ZNF600: variants seen among roughly 807,000 people sequenced by gnomAD.
The protein encoded by ZNF600 is zinc finger protein 600.
A neutral mutation model predicts 7.3 loss-of-function variants in ZNF600; 4 were observed. The ratio of observed to expected loss-of-function variants is 0.55; its 90% CI spans 0.27 to 1.25. The LOEUF is 1.25. ZNF600 is among the 50% of genes most tolerant of loss of function. The pLI is 0.12. For missense variants in ZNF600, 911 were observed against 922.1 expected (o/e 0.99, Z 0.16); for synonymous variants, 290 against 308.9 (o/e 0.94, Z 0.64).
At chr19:52,829,263 G>T in the ZNF600 span, among the ~76,000 whole-genome samples, 2 of 149,278 alleles carry the variant, frequency 1.3e-5, no homozygotes, top group African/African-American at 5.0e-5. Context: ...TGTGCACATT[G>T]TGCAGGTTAG....
At chr19:52,824,400 C>T in the ZNF600 span, among the ~76,000 whole-genome samples, 2 of 152,022 alleles carry the variant, frequency 1.3e-5, no homozygotes, top group East Asian at 1.9e-4. Flanking sequence ...TTTGGGTGGC[C>T]GAGGTGGGCA....
chr19:52,815,280 CT>C, the ZNF600 span, among the ~76,000 whole-genome samples: 221 of 145,042 alleles, frequency 1.5e-3, 30 homozygotes, highest in East Asian at 0.04. Context: ...CTTTGGGAGG[CT>C]GAGGCTGCTG....
chr19:52,769,221 G>A lies in ZNF600; in HGVS notation c.191-1449C>T, dbSNP rs112387947. Reference sequence around the variant, plus strand: ...ACACTCTCCTCCACCACCTCTTGCGGAGGGCCTGACATCAGTCAGGCCCAC... The same window carrying A: ...ACACTCTCCTCCACCACCTCTTGCGAAGGGCCTGACATCAGTCAGGCCCAC... On this transcript the variant is annotated intron_variant, in intron 3 of 3. Transcript: ENST00000648973. 8.1e-3 allele frequency among the ~76,000 whole-genome samples: 1,227 copies of A among 152,184 alleles called. 13 individuals are homozygous for A. The highest frequency in any genetic ancestry group is 0.028 in the African/African-American group (1,167 of 41,518).
At chr19:52,800,030 T>C in the ZNF600 span, 1 of 1,614,156 alleles carries the variant, frequency 6.2e-7, no homozygotes, top group African/African-American at 1.3e-5. Flanking sequence ...ACTTGTAAGG[T>C]TTCTCTCCAG....
chr19:52,793,127 A>C, the ZNF600 span, among the ~76,000 whole-genome samples: 6 of 152,224 alleles, frequency 3.9e-5, 2 homozygotes, highest in Middle Eastern at 0.02. Flanking sequence ...AGTTGACTGT[A>C]ATGTACGCCT....
the ZNF600 span, chr19:52,810,768 TA>T: frequency 0.01 from 4,410 of 436,792 alleles, 180 homozygotes; most frequent in African/African-American, 0.054. Flanking sequence ...AAAAAAAGAA[TA>T]AAAAAAAACC....
chr19:52,801,553 G>A, the ZNF600 span: 2 of 1,614,152 alleles, frequency 1.2e-6, no homozygotes, highest in African/African-American at 1.3e-5. Context: ...CACTGAAACT[G>A]GAAGCCATGA....
intron 2 of ZNF600, among the ~76,000 whole-genome samples, chr19:52,776,140 AGGTCTGTACT>A (rs1217140955): frequency 6.8e-6 from 1 of 147,036 alleles, no homozygotes; most frequent in East Asian, 1.9e-4. Context: ...CCATGAAGAA[AGGTCTGTACT>A]TGGAGACAAG....
At chr19:52,811,520 T>C in the ZNF600 span, among the ~76,000 whole-genome samples, 1 of 145,206 alleles carries the variant, frequency 6.9e-6, no homozygotes, top group East Asian at 2.1e-4. Context: ...TCGTCTGAGA[T>C]GTGGGGAGCA....
At chr19:52,810,438 G>T in the ZNF600 span, 6 of 1,600,562 alleles carry the variant, frequency 3.7e-6, no homozygotes, top group Non-Finnish European at 4.3e-6. Flanking sequence ...CAAAGGGTTT[G>T]CATATATAGA....
the ZNF600 span, among the ~76,000 whole-genome samples, chr19:52,804,413 C>T: frequency 8.1e-4 from 123 of 152,256 alleles, no homozygotes; most frequent in Non-Finnish European, 8.8e-4. Flanking sequence ...CTCTGTCTCC[C>T]GGTCTGGAGT....
upstream of ZNF600, among the ~76,000 whole-genome samples, chr19:52,790,529 C>T (rs111882468): frequency 6.6e-6 from 1 of 151,940 alleles, no homozygotes; most frequent in East Asian, 1.9e-4. Context: ...AAACAATTAC[C>T]CACATGTGGT....
chr19:52,831,049 C>T, the ZNF600 span, among the ~76,000 whole-genome samples: 1 of 152,082 alleles, frequency 6.6e-6, no homozygotes, highest in South Asian at 2.1e-4. Flanking sequence ...GAGGTGAAAG[C>T]AGTTTTACGT....
the ZNF600 span, chr19:52,801,839 G>C: frequency 1.2e-6 from 1 of 810,332 alleles, no homozygotes; most frequent in African/African-American, 1.7e-5. Flanking sequence ...GAACACAAAA[G>C]GAGTAAGATT....
the ZNF600 span, among the ~76,000 whole-genome samples, chr19:52,815,621 G>A: frequency 0.016 from 2,285 of 146,348 alleles, 393 homozygotes; most frequent in African/African-American, 0.058. Flanking sequence ...TCAGGAGATC[G>A]AGACCATCCT....
At chr19:52,769,785 C>T (rs1287192135) in intron 3 of ZNF600, among the ~76,000 whole-genome samples, 1 of 152,128 alleles carries the variant, frequency 6.6e-6, no homozygotes, top group East Asian at 1.9e-4. Context: ...AAACTCCTGA[C>T]CTCAAGTAAT....
the ZNF600 span, among the ~76,000 whole-genome samples, chr19:52,824,300 G>A: frequency 6.6e-6 from 1 of 152,046 alleles, no homozygotes; most frequent in Non-Finnish European, 1.5e-5. Flanking sequence ...CTACCTGCCG[G>A]TTGGCTGACA....
chr19:52,794,497 G>A, the ZNF600 span, among the ~76,000 whole-genome samples: 1 of 152,158 alleles, frequency 6.6e-6, no homozygotes, highest in Non-Finnish European at 1.5e-5. Flanking sequence ...AGAAGGAGGT[G>A]TGGCTGATTC....
chr19:52,775,641 A>G (rs997381420), intron 2 of ZNF600, among the ~76,000 whole-genome samples: 1 of 152,200 alleles, frequency 6.6e-6, no homozygotes, highest in African/African-American at 2.4e-5. Flanking sequence ...AAGTCTCTAG[A>G]TGAGCTAAGA....
Sources: gnomAD v4.1 joint callset for allele counts (sites outside exome capture counted in the v4.1 genomes callset) on GRCh38, gnomAD v4.1.1 for gene constraint, MANE v1.5 for transcripts, NCBI Gene and HGNC (gene_info 2026-07-23, HGNC 2026-07-21) for gene names.